The following IGSF22 variants were observed in gnomAD, a reference collection of about 807,000 sequenced individuals.
IGSF22 encodes the protein immunoglobulin superfamily, member 22.
In IGSF22, 119 loss-of-function variants were observed where a neutral mutation model predicts 127.0. That is an observed-to-expected ratio of 0.94 (90% CI 0.81 to 1.09). IGSF22 has a LOEUF of 1.09. Among genes scored for constraint, IGSF22 ranks in the 50% least tolerant of loss-of-function variants. IGSF22 has a pLI of 0.00. For missense variants in IGSF22, 1,518 were observed against 1,716.6 expected (o/e 0.88, Z 2.04); for synonymous variants, 568 against 664.7 (o/e 0.85, Z 2.24).
Position 18,714,568 on chromosome 11 carries a change from G to T in IGSF22, c.1588C>A (p.Pro530Thr). ...TTCAGCACTACACACAACTCAGCTG[G>T]GCTCCCAGTGGCCGCGTGCACGTCG... ...MSDVHAATGS[P>T]AELCVVLNDE... The change falls in exon 12 of 23, where the codon CCA becomes ACA. Residue 530 changes from proline to threonine, a missense_variant. Coordinates refer to ENST00000513874, the MANE Select transcript of IGSF22 (RefSeq NM_173588.4). 1 of 1,614,176 alleles carries T rather than the reference G, an allele frequency of 6.2e-7. No individual in the cohort carries two copies. The highest frequency in any genetic ancestry group is 8.5e-7 in the Non-Finnish European group (1 of 1,180,042).
At chr11:18,725,865 G>A (rs1362227461) in intron 1 of IGSF22, among the ~76,000 whole-genome samples, 2 of 152,150 alleles carry the variant, frequency 1.3e-5, no homozygotes, top group Admixed American at 1.3e-4. Context: ...CGTCCCAGAG[G>A]GCTCCAAAGC....
intron 7 of IGSF22, among the ~76,000 whole-genome samples, chr11:18,719,220 C>T (rs1848517636): frequency 6.6e-6 from 1 of 152,190 alleles, no homozygotes; most frequent in Non-Finnish European, 1.5e-5. Flanking sequence ...TCTTGGCTCA[C>T]CGCAACCTCC....
At position 18,713,833 on chromosome 11, in the gene IGSF22, G is replaced by T; in HGVS notation, c.2095+19C>A. ...AGGTGCCCTCAGCTCAGCCCAGCCC[G>T]GACTGGCCCTGCCCTGACCCAGCAC... is the stretch of plus-strand genomic sequence containing the variant. On this transcript the variant is annotated intron_variant, in intron 14 of 22. Coordinates refer to ENST00000513874, the MANE Select transcript of IGSF22 (RefSeq NM_173588.4). 2 of 1,589,104 alleles carry T rather than the reference G, an allele frequency of 1.3e-6. No homozygotes were observed. The highest frequency in any genetic ancestry group is 8.6e-7 in the Non-Finnish European group (1 of 1,165,530).
At chr11:18,725,634 G>A (rs916356787) in intron 1 of IGSF22, among the ~76,000 whole-genome samples, 5 of 151,854 alleles carry the variant, frequency 3.3e-5, no homozygotes, top group East Asian at 1.9e-4. Flanking sequence ...TACAGATGGC[G>A]TTTCACTATG....
At position 18,704,369 on chromosome 11, in the gene IGSF22, C is replaced by G. The variant is rs150553004; in HGVS notation, c.*99G>C. 2.3e-4 allele frequency: 175 copies of G among 769,008 alleles called. 3 individuals are homozygous for G. In the African/African-American group the frequency reaches 2.6e-3, roughly 12 times the overall value. 47.6% of individuals were successfully genotyped at this position (769,008 alleles called of 1,614,324 possible). ...CACTGAATGTTTACATTAACAAACA[C>G]CAGAGAGCAAACTGGGCTTCCTACA... is the stretch of plus-strand genomic sequence containing the variant. On this transcript the variant is annotated 3_prime_UTR_variant, in exon 23 of 23. Transcript: ENST00000513874.
intron 1 of IGSF22, among the ~76,000 whole-genome samples, chr11:18,725,671 A>C (rs1848641073): frequency 6.7e-6 from 1 of 149,862 alleles, no homozygotes; most frequent in South Asian, 2.1e-4. Flanking sequence ...CGAATACCTG[A>C]CCTCGTGATC....
In IGSF22 at chr11:18,716,781, T is replaced by G; in HGVS notation, c.1193A>C (p.Glu398Ala). Residue 398 changes from glutamate (E) to alanine (A), a missense_variant, in exon 10 of 23, where the codon GAG becomes GCG. Around this residue, in one of 3 missense-constraint regions of IGSF22, gnomAD observed 1,456 missense variants for 1,644.9 expected, o/e 0.89. Coordinates refer to ENST00000513874, the MANE Select transcript of IGSF22 (RefSeq NM_173588.4). The surrounding 1 kb of genome is among the most constrained non-coding windows in gnomAD (Gnocchi z 4.5). ...CAGGTTCCCCGCCTCAGCAGAGAAC[T>G]CGCCGCTGTCACTGAGTCTGGCATC... ...IKDARLSDSGEFSAEAGNLVQ... is the reference protein window; with the variant it reads ...IKDARLSDSGAFSAEAGNLVQ... 6.2e-7 allele frequency: 1 copy of G among 1,614,218 alleles called. No homozygotes were observed. Among genetic ancestry groups the G allele is most frequent in the African/African-American group, 1.3e-5 (1 of 75,060 alleles).
chr11:18,713,151 CTTTTTTTTT>C (rs11364796), intron 14 of IGSF22, among the ~76,000 whole-genome samples: 1 of 117,650 alleles, frequency 8.5e-6, no homozygotes, highest in Non-Finnish European at 1.8e-5. Context: ...GTTGTTGTTT[CTTTTTTTTT>C]TTTTTTTTTG....
intron 19 of IGSF22, 31 bp downstream of exon 19, chr11:18,708,176 T>C (rs777955689): frequency 3.9e-6 from 6 of 1,537,206 alleles, no homozygotes; most frequent in Non-Finnish European, 5.3e-6. Context: ...ATGTGGACAG[T>C]GTATGGAGGT....
Position 18,709,933 on chromosome 11 carries a change from C to T in IGSF22, c.2702-250G>A, listed in dbSNP as rs1048158156. On this transcript the variant is annotated intron_variant, in intron 17 of 22. Transcript: ENST00000513874. The surrounding 1 kb of genome is among the most constrained non-coding windows in gnomAD (Gnocchi z 4.8). Reference sequence around the variant, plus strand: ...TTCAACATACCCCACATATTCAAAGCTTCTGTATTCAAAACCCCAGCCTTT... The same window carrying T: ...TTCAACATACCCCACATATTCAAAGTTTCTGTATTCAAAACCCCAGCCTTT... Among the ~76,000 whole-genome samples the T allele has an allele frequency of 1.3e-5, 2 of 152,148 alleles. No individual in the cohort carries two copies. Among genetic ancestry groups the T allele is most frequent in the African/African-American group, 2.4e-5 (1 of 41,424 alleles).
At position 18,724,989 on chromosome 11, in the gene IGSF22, T is replaced by C. The variant is rs540045556; in HGVS notation, c.-33-720A>G. ...TCATGCAAATAGGAAAACTCATGTGTTCTTATCATCTTCCTTTTTTTTTTT... is the reference window on the plus strand; with the variant it reads ...TCATGCAAATAGGAAAACTCATGTGCTCTTATCATCTTCCTTTTTTTTTTT... On this transcript the variant is annotated intron_variant, in intron 1 of 22. Transcript: ENST00000513874. 3.6e-4 allele frequency among the ~76,000 whole-genome samples: 55 copies of C among 152,142 alleles called. No homozygotes were observed. The Middle Eastern group carries it at 0.01, about 28-fold the overall frequency.
At chr11:18,708,348 C>T (rs776635372) in intron 18 of IGSF22, 53 bp from the exon 19 acceptor site, 9 of 1,408,202 alleles carry the variant, frequency 6.4e-6, no homozygotes, top group Non-Finnish European at 7.7e-6. Flanking sequence ...CAAGAAGACT[C>T]TGCTTTAAGC....
intron 6 of IGSF22, 66 bp from the exon 7 acceptor site, chr11:18,719,959 T>TA: frequency 6.2e-7 from 1 of 1,610,078 alleles, no homozygotes; most frequent in Middle Eastern, 1.7e-4. Context: ...AACCCCTCCC[T>TA]ACTCCATGGA....
intron 8 of IGSF22, 150 bp downstream of exon 8, chr11:18,718,463 TAA>T (rs1848503024): frequency 1.5e-6 from 1 of 668,766 alleles, no homozygotes; most frequent in Non-Finnish European, 2.8e-6. Flanking sequence ...GTGAAACAGT[TAA>T]GAGTAGAGCC....
Position 18,712,089 on chromosome 11 carries a change from A to T in IGSF22, c.2391T>A (p.Asn797Lys). The T allele has an allele frequency of 1.3e-6, 2 of 1,549,984 alleles. No homozygotes were observed. Among genetic ancestry groups the T allele is most frequent in the Non-Finnish European group, 1.7e-6 (2 of 1,145,676 alleles). ...CCAGGCTATCTCACTGACCTATGGG[A>T]TTTCCTGCAAACACTTCTTCTGTCT... Reference protein sequence around the residue: ...PLETEEVFAGNPIEPPGFASQ... With the variant: ...PLETEEVFAGKPIEPPGFASQ... The change falls in exon 15 of 23, where the codon AAT (asparagine) becomes AAA (lysine). Residue 797 changes from asparagine (N) to lysine (K), a missense_variant. Asn to Lys is a moderately conservative substitution (Grantham distance 94). Around this residue, in one of 3 missense-constraint regions of IGSF22, gnomAD observed 1,456 missense variants for 1,644.9 expected, o/e 0.89. Coordinates refer to ENST00000513874, the MANE Select transcript of IGSF22 (RefSeq NM_173588.4).
chr11:18,711,747 A>G (rs1174993554), intron 15 of IGSF22, among the ~76,000 whole-genome samples: 1 of 152,196 alleles, frequency 6.6e-6, no homozygotes, highest in African/African-American at 2.4e-5. Context: ...CTGTGGAGAA[A>G]AAGAGTGGTT....
rs1036341153 is a variant in IGSF22 at position 18,715,533 on chromosome 11, A to G, written c.1430T>C (p.Ile477Thr). The change falls in exon 11 of 23, where the codon ATT becomes ACT. Residue 477 changes from isoleucine (I) to threonine (T), a missense_variant. Transcript: ENST00000513874. ...ACCATCACTGAGCTGTGCATCCTCA[A>G]TGATCAGCTCTGCTCGCTTGCCCTC... ...NHEGKRAELI[I>T]EDAQLSDGGE... 2 of 1,613,894 alleles carry G rather than the reference A, an allele frequency of 1.2e-6. No homozygotes were observed. Among genetic ancestry groups the G allele is most frequent in the East Asian group, 2.2e-5 (1 of 44,878 alleles).
Position 18,709,161 on chromosome 11 carries a change from T to C in IGSF22, c.2998+226A>G, listed in dbSNP as rs918831425. On this transcript the variant is annotated intron_variant, in intron 18 of 22. Coordinates refer to ENST00000513874, the MANE Select transcript of IGSF22 (RefSeq NM_173588.4). This position sits in a 1 kb window ranked among gnomAD's most constrained non-coding sequence, Gnocchi z 4.8. ...GTGTACAATGCGCAAGAAGAACCCATTGGGTGGTTACACCTTGACACACAG... is the reference window on the plus strand; with the variant it reads ...GTGTACAATGCGCAAGAAGAACCCACTGGGTGGTTACACCTTGACACACAG... Among the ~76,000 whole-genome samples the C allele has an allele frequency of 2.0e-5, 3 of 151,990 alleles. No individual in the cohort carries two copies. The highest frequency in any genetic ancestry group is 7.3e-5 in the African/African-American group (3 of 41,360).
rs1450273311 is a variant in IGSF22 at position 18,710,319 on chromosome 11, A to C, written c.2701+8T>G. The C allele has an allele frequency of 6.2e-7, 1 of 1,613,436 alleles. No individual in the cohort carries two copies. Among genetic ancestry groups the C allele is most frequent in the African/African-American group, 1.3e-5 (1 of 75,032 alleles). ...TTATGTGTCAGGACCTGGCAGCCGC[A>C]TACTCACTAACAGGATCCTTGGCCA... On this transcript the variant is annotated splice_region_variant and intron_variant, in intron 17 of 22. Transcript: ENST00000513874.
Sources: allele counts gnomAD v4.1 joint callset (sites outside exome capture counted in the v4.1 genomes callset), GRCh38; gene constraint gnomAD v4.1.1; regional missense constraint gnomAD v4.1.1; non-coding constraint Gnocchi (gnomAD v3.1); transcripts MANE v1.5; gene names NCBI Gene and HGNC (gene_info 2026-07-23, HGNC 2026-07-21).